The following SEMA5A variants were observed in gnomAD, a reference collection of about 807,000 sequenced individuals.
The protein encoded by SEMA5A is semaphorin 5A.
SEMA5A carries 55 observed loss-of-function variants against 135.5 expected under a neutral mutation model. The ratio of observed to expected loss-of-function variants is 0.41; its 90% CI spans 0.33 to 0.51. The LOEUF (loss-of-function observed/expected upper bound fraction) is 0.51. Among genes scored for constraint, SEMA5A ranks in the 20% least tolerant of loss-of-function variants. The probability of loss-of-function intolerance (pLI) is 0.37; values close to 1 mark genes in which losing one functional copy is unlikely to be tolerated. For missense variants in SEMA5A, 1,290 were observed against 1,419.9 expected (o/e 0.91, Z 1.47); for synonymous variants, 580 against 546.5 (o/e 1.06, Z -0.85).
chr5:9,200,943 A>G (rs1579599169), intron 9 of SEMA5A, among the ~76,000 whole-genome samples: 1 of 152,240 alleles, frequency 6.6e-6, no homozygotes, highest in Admixed American at 6.5e-5. Context: ...CAGGGCTGTC[A>G]TCAATGCTAA....
chr5:9,279,999 C>G (rs1400085104), intron 5 of SEMA5A, among the ~76,000 whole-genome samples: 1 of 152,128 alleles, frequency 6.6e-6, no homozygotes, highest in East Asian at 1.9e-4. Context: ...AACTATCCAG[C>G]CCTTTCCAAG....
chr5:9,221,299 C>CTTTTTTTTT (rs869063755), intron 8 of SEMA5A, among the ~76,000 whole-genome samples: 2 of 103,234 alleles, frequency 1.9e-5, no homozygotes, highest in Admixed American at 1.1e-4. Flanking sequence ...CGAACATTTT[C>CTTTTTTTTT]TTTTTTTTTT....
At chr5:9,085,619 T>G (rs914573464) in intron 16 of SEMA5A, among the ~76,000 whole-genome samples, 2 of 152,112 alleles carry the variant, frequency 1.3e-5, no homozygotes, top group Non-Finnish European at 2.9e-5. Flanking sequence ...TGGAAACACA[T>G]GAATGTCCAG....
intron 5 of SEMA5A, among the ~76,000 whole-genome samples, chr5:9,272,152 G>C (rs1006483499): frequency 6.6e-6 from 1 of 152,164 alleles, no homozygotes; most frequent in Admixed American, 6.5e-5. Flanking sequence ...GTCTGAGCTA[G>C]ATGTGGGACG....
intron 5 of SEMA5A, among the ~76,000 whole-genome samples, chr5:9,244,525 T>C (rs1380446250): frequency 1.3e-5 from 2 of 152,208 alleles, no homozygotes; most frequent in Non-Finnish European, 2.9e-5. Context: ...CTGGACCCTA[T>C]GTAGCCATAT....
rs943949302 is a variant in SEMA5A, at chr5:9,251,942, G to C, written c.271-14052C>G. ...TAGGTAGAAAGGAGCTTAACAACTT[G>C]CCAAAGATTACTGAGCTTTTAAATG... On this transcript the variant is annotated intron_variant, in intron 5 of 22. Transcript: ENST00000382496. Among the ~76,000 whole-genome samples the C allele has an allele frequency of 3.9e-5, 6 of 152,124 alleles. No homozygotes were observed. The South Asian group carries it at 1.0e-3, about 26-fold the overall frequency.
intron 8 of SEMA5A, among the ~76,000 whole-genome samples, chr5:9,216,908 A>G (rs2150398815): frequency 6.6e-6 from 1 of 152,256 alleles, no homozygotes; most frequent in East Asian, 1.9e-4. Context: ...AAGATAGCAC[A>G]CTATTGAGTC....
At chr5:9,420,585 A>C (rs1311939119) in intron 2 of SEMA5A, among the ~76,000 whole-genome samples, 2 of 152,198 alleles carry the variant, frequency 1.3e-5, no homozygotes, top group Admixed American at 6.5e-5. Context: ...TCCTAACATA[A>C]GGAAGCAATG....
intron 5 of SEMA5A, among the ~76,000 whole-genome samples, chr5:9,280,625 G>T (rs1750494334): frequency 6.6e-6 from 1 of 152,198 alleles, no homozygotes; most frequent in African/African-American, 2.4e-5. Flanking sequence ...TTAAAAATAT[G>T]CAGTGTTCAA....
rs369555552 is a variant in SEMA5A, at chr5:9,041,185, A to G, written c.*1712T>C. On this transcript the variant is annotated 3_prime_UTR_variant, in exon 23 of 23. Coordinates refer to ENST00000382496, the MANE Select transcript of SEMA5A (RefSeq NM_003966.3). The stretch of plus-strand genomic sequence containing the variant: ...ATATGAGAATATTTTGAACTCAACA[A>G]TATTCATTATTAAACATAGAATTCT... The G allele has an allele frequency of 2.6e-5, 4 of 152,342 alleles. No homozygotes were observed. In the East Asian group the frequency reaches 7.7e-4, roughly 29 times the overall value. The allele number at this position is 152,342 out of a possible 1,614,324, so 9.4% of individuals were successfully genotyped here. A position where few individuals can be genotyped will look rare whatever the true frequency, so the allele number is the denominator to read the frequency against.
intron 3 of SEMA5A, among the ~76,000 whole-genome samples, chr5:9,344,558 AAGG>A (rs1197537044): frequency 6.6e-6 from 1 of 152,184 alleles, no homozygotes. Context: ...GACATAAGTG[AAGG>A]AGGAGTACCC....
rs1397680161 is a variant in SEMA5A, at chr5:9,231,465, C to A, written c.334-4498G>T. On this transcript the variant is annotated intron_variant, in intron 6 of 22. Coordinates refer to ENST00000382496, the MANE Select transcript of SEMA5A (RefSeq NM_003966.3). ...CTGAGTACAGAGCAAGACTCCATCT[C>A]AAAAAAAAAAAAAAAAAAAAAAAAA... Among the ~76,000 whole-genome samples the A allele has an allele frequency of 4.6e-5, 3 of 64,674 alleles. No homozygotes were observed. In the East Asian group the frequency reaches 1.4e-3, roughly 31 times the overall value. 42.4% of individuals were successfully genotyped at this position (64,674 alleles called of 152,430 possible).
At chr5:9,063,480 T>C (rs1374040896) in intron 17 of SEMA5A, among the ~76,000 whole-genome samples, 1 of 152,126 alleles carries the variant, frequency 6.6e-6, no homozygotes, top group Non-Finnish European at 1.5e-5. Context: ...TCAGACACAA[T>C]GGGTAGAGCC....
intron 5 of SEMA5A, among the ~76,000 whole-genome samples, chr5:9,266,074 C>T (rs1208037135): frequency 2.6e-5 from 4 of 152,178 alleles, no homozygotes; most frequent in Non-Finnish European, 4.4e-5. Context: ...AAAAGGCATC[C>T]GTCCTCAATG....
At chr5:9,257,932 G>T (rs969408352) in intron 5 of SEMA5A, among the ~76,000 whole-genome samples, 1 of 152,168 alleles carries the variant, frequency 6.6e-6, no homozygotes, top group Non-Finnish European at 1.5e-5. Context: ...TAAAGGGCAA[G>T]GAGGGTGTTA....
At chr5:9,374,142 A>G (rs1049570465) in intron 3 of SEMA5A, among the ~76,000 whole-genome samples, 7 of 152,226 alleles carry the variant, frequency 4.6e-5, no homozygotes, top group Admixed American at 1.3e-4. Flanking sequence ...TCAGGGCTAA[A>G]TATTCCAGAA....
At chr5:9,170,563 G>T (rs1467593877) in intron 11 of SEMA5A, among the ~76,000 whole-genome samples, 1 of 152,026 alleles carries the variant, frequency 6.6e-6, no homozygotes, top group Non-Finnish European at 1.5e-5. Flanking sequence ...GAAGTGATTA[G>T]GTCATGAGGG....
chr5:9,231,069 C>G (rs1747602475), intron 6 of SEMA5A, among the ~76,000 whole-genome samples: 1 of 151,882 alleles, frequency 6.6e-6, no homozygotes. Flanking sequence ...ACAAGTTCAA[C>G]TGAAACAGAA....
At chr5:9,044,276 C>G in intron 22 of SEMA5A, 97 bp downstream of exon 22, 1 of 1,067,238 alleles carries the variant, frequency 9.4e-7, no homozygotes, top group Admixed American at 1.9e-5. Context: ...AATTCAGTTT[C>G]AAAGGAAACC....
Sources: gnomAD v4.1 joint callset for allele counts (sites outside exome capture counted in the v4.1 genomes callset) on GRCh38, gnomAD v4.1.1 for gene constraint, MANE v1.5 for transcripts, NCBI Gene and HGNC (gene_info 2026-07-23, HGNC 2026-07-21) for gene names.